DGKD: variants seen among roughly 807,000 people sequenced by gnomAD.
The protein encoded by DGKD is DAG kinase delta.
Under a neutral mutation model 154.4 loss-of-function variants are expected in DGKD, and 68 were observed. The observed-to-expected ratio is 0.44, with a 90% CI of 0.36 to 0.54. The LOEUF is 0.54. Ranked by LOEUF, DGKD falls within the 20% of genes least tolerant of loss-of-function variation. The probability of loss-of-function intolerance (pLI) is 0.00; values close to 1 mark genes in which losing one functional copy is unlikely to be tolerated. For missense variants in DGKD, 1,343 were observed against 1,593.6 expected (o/e 0.84, Z 2.68); for synonymous variants, 693 against 638.0 (o/e 1.09, Z -1.30).
chr2:233,399,342 G>T (rs1035117973), intron 3 of DGKD, among the ~76,000 whole-genome samples: 3 of 152,222 alleles, frequency 2.0e-5, no homozygotes, highest in Non-Finnish European at 4.4e-5. Flanking sequence ...AATGATTTGG[G>T]CCCTGCCCCT....
chr2:233,400,525 A>G (rs2061534165), intron 3 of DGKD, among the ~76,000 whole-genome samples: 1 of 152,068 alleles, frequency 6.6e-6, no homozygotes, highest in African/African-American at 2.4e-5. Context: ...TGGGGGTGCC[A>G]CTTCCTAACT....
In DGKD at chr2:233,438,406, C is replaced by T. The variant is rs755596405; in HGVS notation, c.1085+27C>T. The T allele has an allele frequency of 2.5e-6, 4 of 1,579,512 alleles. No individual in the cohort carries two copies. Among genetic ancestry groups the T allele is most frequent in the Non-Finnish European group, 3.4e-6 (4 of 1,161,462 alleles). Reference sequence around the variant, plus strand: ...TAGGAAGCTTGTAAAATATATCTTTCTTGGAGTTTTAAAAATTGTGTAGAT... The same window carrying T: ...TAGGAAGCTTGTAAAATATATCTTTTTTGGAGTTTTAAAAATTGTGTAGAT... On this transcript the variant is annotated intron_variant, in intron 9 of 29. Coordinates refer to ENST00000264057, the MANE Select transcript of DGKD (RefSeq NM_152879.3). The surrounding 1 kb of genome is among the most constrained non-coding windows in gnomAD (Gnocchi z 4.1).
intron 3 of DGKD, among the ~76,000 whole-genome samples, chr2:233,428,101 G>T (rs2062372742): frequency 6.6e-6 from 1 of 152,214 alleles, no homozygotes; most frequent in Non-Finnish European, 1.5e-5. Context: ...GCTGTGGCTG[G>T]TGTTAGGGGA....
At chr2:233,359,713 A>C (rs547535999) in intron 1 of DGKD, among the ~76,000 whole-genome samples, 89 of 152,218 alleles carry the variant, frequency 5.8e-4, no homozygotes, top group Non-Finnish European at 9.7e-4. Flanking sequence ...TCACTGGTTC[A>C]GTTTAACAGC....
chr2:233,415,459 G>A (rs891414691), intron 3 of DGKD, among the ~76,000 whole-genome samples: 10 of 152,168 alleles, frequency 6.6e-5, no homozygotes, highest in Non-Finnish European at 1.5e-4. Context: ...TGCAGGGGTG[G>A]TTGGAGACCC....
rs973477078 is a variant in DGKD, at chr2:233,462,267, T to C, written c.2982-81T>C. ...CCACATCAGCCCTCCAGGTGGTACC[T>C]GGGCCGTGTTCAGATGCGTATTGTG... On this transcript the variant is annotated intron_variant, in intron 24 of 29. Transcript: ENST00000264057. 3 of 1,166,496 alleles carry C rather than the reference T, an allele frequency of 2.6e-6. No individual in the cohort carries two copies. In the Admixed American group the frequency reaches 5.6e-5, roughly 22 times the overall value. 72.3% of individuals were successfully genotyped at this position (1,166,496 alleles called of 1,614,324 possible). A position where few individuals can be genotyped will look rare whatever the true frequency, so the allele number is the denominator to read the frequency against.
intron 12 of DGKD, 27 bp from the exon 13 acceptor site, chr2:233,448,060 A>G (rs375042122): frequency 1.7e-5 from 27 of 1,613,316 alleles, no homozygotes; most frequent in Non-Finnish European, 2.3e-5. Flanking sequence ...AGAGACCAAC[A>G]GTCCTGGCCA....
chr2:233,426,839 G>A (rs904245301), intron 3 of DGKD, among the ~76,000 whole-genome samples: 6 of 152,224 alleles, frequency 3.9e-5, no homozygotes, highest in African/African-American at 1.4e-4. Flanking sequence ...ACCAGCACTT[G>A]ATACTGTCTG....
chr2:233,402,365 G>A (rs2125487644), intron 3 of DGKD, among the ~76,000 whole-genome samples: 1 of 152,310 alleles, frequency 6.6e-6, no homozygotes, highest in Non-Finnish European at 1.5e-5. Flanking sequence ...CTCATGTGAT[G>A]CTACATTAGC....
intron 1 of DGKD, among the ~76,000 whole-genome samples, chr2:233,365,105 A>C (rs987553338): frequency 2.0e-5 from 3 of 152,252 alleles, no homozygotes; most frequent in Admixed American, 2.0e-4. Flanking sequence ...AAAAATTAAC[A>C]CAATTGTAAG....
At chr2:233,455,996 A>G (rs189575687) in intron 19 of DGKD, among the ~76,000 whole-genome samples, 1 of 152,348 alleles carries the variant, frequency 6.6e-6, no homozygotes, top group Non-Finnish European at 1.5e-5. Flanking sequence ...GTATTAAAAT[A>G]CACATACTTT....
At chr2:233,467,010 CCT>C (rs2063843912) in intron 27 of DGKD, 74 bp from the exon 28 acceptor site, 5 of 1,203,536 alleles carry the variant, frequency 4.2e-6, no homozygotes, top group East Asian at 2.4e-5. Flanking sequence ...GCCCTCCCAG[CCT>C]CTCTGGTGGA....
chr2:233,407,577 G>A (rs2061716710), intron 3 of DGKD, among the ~76,000 whole-genome samples: 2 of 152,238 alleles, frequency 1.3e-5, no homozygotes, highest in Non-Finnish European at 2.9e-5. Context: ...ACCAGCCTGG[G>A]CAGCATAACA....
chr2:233,448,160 C>CGGT lies in DGKD; in HGVS notation c.1497_1499dup (p.Val500dup), dbSNP rs766821593. On this transcript the variant is annotated inframe_insertion, in exon 13 of 30. Transcript: ENST00000264057. ...AAAATCCTCACCTCGGACCAGCACT[C>CGGT]GGTGGTCATCTCCTCGGCCAAGTGA... The CGGT allele has an allele frequency of 1.9e-6, 3 of 1,614,154 alleles. No homozygotes were observed. The highest frequency in any genetic ancestry group is 2.5e-6 in the Non-Finnish European group (3 of 1,180,036).
At chr2:233,361,117 ACTGT>A (rs936487027) in intron 1 of DGKD, among the ~76,000 whole-genome samples, 15 of 151,892 alleles carry the variant, frequency 9.9e-5, no homozygotes, top group African/African-American at 1.7e-4. Flanking sequence ...GCCCTGTGAG[ACTGT>A]CTGAGTGCCT....
intron 1 of DGKD, among the ~76,000 whole-genome samples, chr2:233,371,040 C>T (rs1240466006): frequency 6.6e-6 from 1 of 152,190 alleles, no homozygotes; most frequent in Non-Finnish European, 1.5e-5. Flanking sequence ...GTGTGAGCCA[C>T]TGTGCCCAGC....
chr2:233,357,667 G>A (rs1285537419), intron 1 of DGKD, among the ~76,000 whole-genome samples: 1 of 151,700 alleles, frequency 6.6e-6, no homozygotes, highest in African/African-American at 2.4e-5. Context: ...CTCCCAAGTA[G>A]CTGGGACTAC....
chr2:233,447,623 C>T (rs1575141102), intron 12 of DGKD: 2 of 993,498 alleles, frequency 2.0e-6, no homozygotes, highest in African/African-American at 1.7e-5. Flanking sequence ...GTCCTAAGGA[C>T]AGCAGGGATC....
chr2:233,414,217 C>T (rs991934962), intron 3 of DGKD, among the ~76,000 whole-genome samples: 3 of 152,214 alleles, frequency 2.0e-5, no homozygotes, highest in Non-Finnish European at 4.4e-5. Context: ...CAGGACATGA[C>T]TGCTGTGGCT....
Sources: allele counts gnomAD v4.1 joint callset (sites outside exome capture counted in the v4.1 genomes callset), GRCh38; gene constraint gnomAD v4.1.1; non-coding constraint Gnocchi (gnomAD v3.1); transcripts MANE v1.5; gene names NCBI Gene and HGNC (gene_info 2026-07-23, HGNC 2026-07-21).